Variants in DCC observed in about 807,000 individuals in gnomAD.
DCC encodes DCC netrin 1 receptor.
DCC carries 58 observed loss-of-function variants against 172.5 expected under a neutral mutation model. The observed-to-expected ratio is 0.34, with a 90% CI of 0.27 to 0.42. The LOEUF (loss-of-function observed/expected upper bound fraction) is 0.42. DCC is among the 10% of genes least tolerant of loss of function. DCC has a pLI of 1.00. For missense variants in DCC, 1,740 were observed against 1,791.0 expected (o/e 0.97, Z 0.51); for synonymous variants, 709 against 644.5 (o/e 1.10, Z -1.52).
At chr18:52,387,282 C>T (rs1172491634) in intron 1 of DCC, among the ~76,000 whole-genome samples, 1 of 151,970 alleles carries the variant, frequency 6.6e-6, no homozygotes, top group Non-Finnish European at 1.5e-5. Context: ...GTGTGAACAC[C>T]GATGACATCA....
intron 5 of DCC, among the ~76,000 whole-genome samples, chr18:53,055,405 A>T (rs993982360): frequency 2.6e-5 from 4 of 152,288 alleles, no homozygotes; most frequent in African/African-American, 9.6e-5. Context: ...ACCCAAGCAC[A>T]TTCCCCTCAT....
At chr18:52,589,328 C>G (rs1444938148) in intron 1 of DCC, among the ~76,000 whole-genome samples, 1 of 152,270 alleles carries the variant, frequency 6.6e-6, no homozygotes, top group East Asian at 1.9e-4. Context: ...ATGAAATGGT[C>G]ACAGAAACTT....
At chr18:52,949,409 C>A (rs2040599740) in intron 5 of DCC, among the ~76,000 whole-genome samples, 1 of 152,186 alleles carries the variant, frequency 6.6e-6, no homozygotes. Flanking sequence ...TACTTAGGGG[C>A]AGAACCATCC....
At chr18:53,359,013 TTAAAGA>T (rs529390517) in intron 15 of DCC, among the ~76,000 whole-genome samples, 99 of 152,300 alleles carry the variant, frequency 6.5e-4, no homozygotes, top group East Asian at 1.3e-3. Flanking sequence ...GAATTTTGAC[TTAAAGA>T]TAAAGTAAGA....
rs2046539078 is a variant in DCC at position 53,532,959 on chromosome 18, A to C, written c.*2306A>C. ...TCAGTGGAAGTTATATTTCTGCTGC[A>C]TGCTTTTGAAACTTTCTTCATTAAA... On this transcript the variant is annotated 3_prime_UTR_variant, in exon 29 of 29. Transcript: ENST00000442544. 1 of 152,174 alleles carries C rather than the reference A, an allele frequency of 6.6e-6. No homozygotes were observed. The highest frequency in any genetic ancestry group is 2.4e-5 in the African/African-American group (1 of 41,452). 9.4% of individuals were successfully genotyped at this position (152,174 alleles called of 1,614,324 possible).
chr18:53,299,587 C>T (rs2057108106), intron 12 of DCC, among the ~76,000 whole-genome samples: 1 of 152,118 alleles, frequency 6.6e-6, no homozygotes, highest in Non-Finnish European at 1.5e-5. Context: ...TACTATAAAC[C>T]TTAGCATGTT....
chr18:52,478,574 C>T (rs1290705171), intron 1 of DCC, among the ~76,000 whole-genome samples: 3 of 152,282 alleles, frequency 2.0e-5, no homozygotes, highest in Middle Eastern at 3.4e-3. Context: ...TTTATTCGCT[C>T]ATGAATCTGC....
rs1217647216 is a variant in DCC at position 53,176,180 on chromosome 18, AG to A, written c.1419-2781del. 5.6e-4 allele frequency among the ~76,000 whole-genome samples: 74 copies of A among 132,288 alleles called. 1 individual carries two copies. The highest frequency in any genetic ancestry group is 3.6e-3 in the Admixed American group (45 of 12,548). The allele number at this position is 132,288 out of a possible 152,430, so 86.8% of individuals were successfully genotyped here. A position where few individuals can be genotyped will look rare whatever the true frequency, so the allele number is the denominator to read the frequency against. ...TACACCTTATACAAAAATCAATTCA[AG>A]ATGGATTAAAGACTTAAATGTTAGA... On this transcript the variant is annotated intron_variant, in intron 8 of 28. Transcript: ENST00000442544.
At chr18:53,198,668 A>C (rs987696961) in intron 9 of DCC, among the ~76,000 whole-genome samples, 5 of 152,318 alleles carry the variant, frequency 3.3e-5, no homozygotes, top group Admixed American at 2.6e-4. Flanking sequence ...GTGACATGTA[A>C]TACATCTCAT....
intron 5 of DCC, among the ~76,000 whole-genome samples, chr18:52,969,614 TC>T (rs2040993672): frequency 6.7e-6 from 1 of 149,736 alleles, no homozygotes; most frequent in African/African-American, 2.5e-5. Flanking sequence ...TCTCTCTCTC[TC>T]TCTCTCTTTC....
intron 1 of DCC, among the ~76,000 whole-genome samples, chr18:52,695,108 C>A (rs147693547): frequency 1.3e-5 from 2 of 152,206 alleles, no homozygotes; most frequent in African/African-American, 4.8e-5. Context: ...GAATGAATTT[C>A]GTAGGTCTCT....
At position 52,955,306 on chromosome 18, in the gene DCC, T is replaced by C. The variant is rs951256639; in HGVS notation, c.985+29936T>C. On this transcript the variant is annotated intron_variant, in intron 5 of 28. Transcript: ENST00000442544. Reference sequence around the variant, plus strand: ...TCAGAGTACCATGTAGTTCACATCATACAGTATGTAGCCTTTTAAAATTGG... The same window carrying C: ...TCAGAGTACCATGTAGTTCACATCACACAGTATGTAGCCTTTTAAAATTGG... Among the ~76,000 whole-genome samples, 5 of 152,142 alleles carry C rather than the reference T, an allele frequency of 3.3e-5. 1 individual carries two copies. The highest frequency in any genetic ancestry group is 3.3e-4 in the Admixed American group (5 of 15,276).
intron 5 of DCC, among the ~76,000 whole-genome samples, chr18:52,999,187 C>T (rs7507060): frequency 0.73 from 110,060 of 151,798 alleles, 40,034 homozygotes; most frequent in East Asian, 0.74. Context: ...GTTTTTTCTT[C>T]TGGGGCAACA....
Position 52,547,263 on chromosome 18 carries a change from G to A in DCC, c.92-204791G>A, listed in dbSNP as rs193278607. On this transcript the variant is annotated intron_variant, in intron 1 of 28. Transcript: ENST00000442544. The stretch of plus-strand genomic sequence containing the variant: ...AACCATGTAGCATTATATTTTATTG[G>A]GACTTTTAAAACAAAATTCTTAATC... Among the ~76,000 whole-genome samples, 325 of 152,100 alleles carry A rather than the reference G, an allele frequency of 2.1e-3. 1 individual carries two copies. Among genetic ancestry groups the A allele is most frequent in the Middle Eastern group, 6.8e-3 (2 of 294 alleles).
chr18:52,976,327 G>C (rs1598990107), intron 5 of DCC, among the ~76,000 whole-genome samples: 1 of 151,838 alleles, frequency 6.6e-6, no homozygotes, highest in Non-Finnish European at 1.5e-5. Flanking sequence ...AGTTTCTTTT[G>C]CTGTGTAGAA....
At chr18:52,593,677 G>T (rs780166007) in intron 1 of DCC, among the ~76,000 whole-genome samples, 4 of 152,134 alleles carry the variant, frequency 2.6e-5, no homozygotes, top group Admixed American at 2.0e-4. Flanking sequence ...ATCGATATTT[G>T]GTGCTGGACA....
intron 8 of DCC, among the ~76,000 whole-genome samples, chr18:53,176,005 G>C (rs1330055728): frequency 6.6e-6 from 1 of 151,236 alleles, no homozygotes; most frequent in Non-Finnish European, 1.5e-5. Flanking sequence ...ACAGAACAGA[G>C]CCCTCAGAAA....
intron 7 of DCC, among the ~76,000 whole-genome samples, chr18:53,095,907 A>T (rs2043080907): frequency 2.0e-5 from 3 of 151,140 alleles, no homozygotes; most frequent in Non-Finnish European, 4.4e-5. Flanking sequence ...CCTCAAAGGT[A>T]TAAATGAGCA....
chr18:53,279,751 A>G (rs1243147413), intron 12 of DCC, among the ~76,000 whole-genome samples: 2 of 152,030 alleles, frequency 1.3e-5, no homozygotes, highest in African/African-American at 4.8e-5. Flanking sequence ...ATACTACACA[A>G]TCATAAAAAA....
Sources: allele counts gnomAD v4.1 joint callset (sites outside exome capture counted in the v4.1 genomes callset), GRCh38; gene constraint gnomAD v4.1.1; transcripts MANE v1.5; gene names NCBI Gene and HGNC (gene_info 2026-07-23, HGNC 2026-07-21).